CAPN10: variants seen among roughly 807,000 people sequenced by gnomAD.
CAPN10 encodes the protein calpain 10, also known as calpain-10.
Under a neutral mutation model 78.4 loss-of-function variants are expected in CAPN10, and 71 were observed. The ratio of observed to expected loss-of-function variants is 0.91; its 90% confidence interval spans 0.75 to 1.10. The LOEUF is 1.10. Ranked by LOEUF, CAPN10 falls within the 50% of genes least tolerant of loss-of-function variation. The pLI is 0.00. For synonymous variants in CAPN10, 437 were observed against 407.2 expected, an observed-to-expected ratio of 1.07 and a Z score of -0.88; for missense variants, 849 against 924.6, an observed-to-expected ratio of 0.92 and a Z score of 1.06.
chr2:240,597,177 C>G (rs2093142353), intron 9 of CAPN10, among the ~76,000 whole-genome samples: 1 of 152,230 alleles, frequency 6.6e-6, no homozygotes, highest in Non-Finnish European at 1.5e-5. Flanking sequence ...CAGGGCTGAT[C>G]CAGGCAGGGC....
chr2:240,593,818 AGAG>A (rs1383537797), intron 4 of CAPN10, 85 bp from the exon 5 acceptor site: 16 of 1,460,976 alleles, frequency 1.1e-5, no homozygotes, highest in African/African-American at 2.8e-5. Flanking sequence ...GAGCATCTCC[AGAG>A]GAGGAGGCAG....
chr2:240,595,226 G>T lies in CAPN10; in HGVS notation c.1200G>T (p.Val400=), dbSNP rs771884529. Residue 400 remains valine (V), a synonymous_variant, in exon 7 of 12, where the codon GTG becomes GTT. Coordinates refer to ENST00000391984, the MANE Select transcript of CAPN10 (RefSeq NM_023083.4). The part of the protein sequence containing the change: ...ADWAGRARAL[V]GDSHTSWSPA... ...GGGCAGGCCGGGCCCGGGCACTGGT[G>T]GGTGACAGTCATACTTCGTGGAGCC... The T allele has an allele frequency of 2.5e-6, 4 of 1,613,648 alleles. No homozygotes were observed. In the South Asian group the frequency reaches 3.3e-5, roughly 13 times the overall value.
At chr2:240,595,499 C>T in intron 7 of CAPN10, 195 bp downstream of exon 7, 1 of 629,258 alleles carries the variant, frequency 1.6e-6, no homozygotes, top group Non-Finnish European at 2.8e-6. Flanking sequence ...CCTGAGACTG[C>T]AGGTCTTTCT....
chr2:240,590,895 C>A lies in CAPN10; in HGVS notation c.354C>A (p.Arg118=). 6.2e-7 allele frequency: 1 copy of A among 1,614,226 alleles called. No individual in the cohort carries two copies. ...CCTGTCGCATTTGGCAGTTTGGACGCTGGGTGGAGGTGACCACAGATGACC... is the reference window on the plus strand; with the variant it reads ...CCTGTCGCATTTGGCAGTTTGGACGATGGGTGGAGGTGACCACAGATGACC... ...SFTCRIWQFG[R]WVEVTTDDRL... is the part of the protein sequence containing the mutation. The change falls in exon 3 of 12, where the codon CGC becomes CGA. Residue 118 remains arginine, a synonymous_variant. Transcript: ENST00000391984.
intron 4 of CAPN10, among the ~76,000 whole-genome samples, chr2:240,593,236 GC>G (rs1478333009): frequency 1.3e-5 from 2 of 152,264 alleles, no homozygotes; most frequent in African/African-American, 4.8e-5. Context: ...AAGCCCCCAG[GC>G]AGAGAGAGAT....
Position 240,595,066 on chromosome 2 carries a change from TC to T in CAPN10, c.1041del (p.Lys348ArgfsTer80). The T allele has an allele frequency of 6.2e-7, 1 of 1,613,434 alleles. No individual in the cohort carries two copies. Among genetic ancestry groups the T allele is most frequent in the Non-Finnish European group, 8.5e-7 (1 of 1,180,008 alleles). ...ACGCGGGCGCTGCCTGGGGCCTGGG[TC>T]AAGGGCCAGTCAGCAGGAGGCTGCC... Reference protein sequence around the residue: ...CHTRALPGAWVKGQSAGGCRN... With the variant: ...CHTRALPGAWXKGQSAGGCRN... On this transcript the variant is annotated frameshift_variant, in exon 7 of 12. Coordinates refer to ENST00000391984, the MANE Select transcript of CAPN10 (RefSeq NM_023083.4). LOFTEE classifies it high-confidence loss of function.
intron 2 of CAPN10, 50 bp from the exon 3 acceptor site, chr2:240,590,765 G>A (rs535479621): frequency 3.5e-5 from 55 of 1,568,148 alleles, no homozygotes; most frequent in Admixed American, 1.0e-4. Context: ...GAGTAGCGCC[G>A]GGTGGTGCTT....
At chr2:240,587,925 C>T (rs375986126) in intron 1 of CAPN10, among the ~76,000 whole-genome samples, 7 of 152,190 alleles carry the variant, frequency 4.6e-5, no homozygotes, top group African/African-American at 1.7e-4. Context: ...AGTGGGTTGT[C>T]GGGGCAAGAA....
In CAPN10 at chr2:240,593,962, C is replaced by A. The variant is rs769690789; in HGVS notation, c.745C>A (p.Gln249Lys). The A allele has an allele frequency of 1.2e-6, 2 of 1,611,238 alleles. No homozygotes were observed. The highest frequency in any genetic ancestry group is 1.7e-6 in the Non-Finnish European group (2 of 1,178,170). The stretch of plus-strand genomic sequence containing the variant: ...CATTGTCTCGGACCTGCGGGAGCTC[C>A]AGGGTCAGGCGGGCCAGTGCATCCT... ...AFIVSDLREL[Q>K]GQAGQCILLL... Residue 249 changes from glutamine to lysine, a missense_variant, in exon 5 of 12, where the codon CAG (glutamine) becomes AAG (lysine). Transcript: ENST00000391984.
At chr2:240,589,515 CTT>C in intron 2 of CAPN10, 41 bp downstream of exon 2, 2 of 1,571,192 alleles carry the variant, frequency 1.3e-6, no homozygotes, top group Non-Finnish European at 1.7e-6. Flanking sequence ...GAGCCGGTTT[CTT>C]TTTGCGTTTC....
Position 240,589,661 on chromosome 2 carries a change from G to A in CAPN10, c.273+187G>A, listed in dbSNP as rs56351903. On this transcript the variant is annotated intron_variant, in intron 2 of 11. Transcript: ENST00000391984. Reference sequence around the variant, plus strand: ...CTGCACTCTGTCCCTCTGCTGCAGGGGGGGGTGCCTTGGCCTCGCCAGAAG... The same window carrying A: ...CTGCACTCTGTCCCTCTGCTGCAGGAGGGGGTGCCTTGGCCTCGCCAGAAG... The A allele has an allele frequency of 2.3e-5, 18 of 769,486 alleles. No individual in the cohort carries two copies. The East Asian group carries it at 4.2e-4, about 18-fold the overall frequency. 47.7% of individuals were successfully genotyped at this position (769,486 alleles called of 1,614,324 possible). A position where few individuals can be genotyped will look rare whatever the true frequency, so the allele number is the denominator to read the frequency against.
chr2:240,598,549 A>G lies in CAPN10; in HGVS notation c.1990-102A>G, dbSNP rs989307333. On this transcript the variant is annotated intron_variant, in intron 11 of 11. Transcript: ENST00000391984. ...AGCCCCGGGCGGTGCCTTGAAGGGC[A>G]GGGGGAGCTGAGGCTGCGTCCCATT... The G allele has an allele frequency of 3.4e-6, 5 of 1,462,180 alleles. No individual in the cohort carries two copies. The Admixed American group carries it at 7.8e-5, about 23-fold the overall frequency. The allele number at this position is 1,462,180 out of a possible 1,614,324, so 90.6% of individuals were successfully genotyped here.
chr2:240,588,112 T>C, intron 1 of CAPN10, among the ~76,000 whole-genome samples: 1 of 152,128 alleles, frequency 6.6e-6, no homozygotes, highest in East Asian at 1.9e-4. Context: ...TCAACATGCC[T>C]TCTGGGTTTC....
At chr2:240,598,435 G>T (rs781680120) in intron 11 of CAPN10, 38 bp downstream of exon 11, 6 of 1,610,282 alleles carry the variant, frequency 3.7e-6, no homozygotes, top group Non-Finnish European at 5.1e-6. Flanking sequence ...TCACCTGCCT[G>T]GGGCTGCCTG....
Position 240,598,998 on chromosome 2 carries a change from C to T in CAPN10, c.*318C>T. The T allele has an allele frequency of 2.1e-6, 1 of 481,744 alleles. No homozygotes were observed. The highest frequency in any genetic ancestry group is 3.7e-6 in the Non-Finnish European group (1 of 268,262). 29.8% of individuals were successfully genotyped at this position (481,744 alleles called of 1,614,324 possible). On this transcript the variant is annotated 3_prime_UTR_variant, in exon 12 of 12. Coordinates refer to ENST00000391984, the MANE Select transcript of CAPN10 (RefSeq NM_023083.4). ...ATCCTCTGCTGACTCCATATGGAGG[C>T]CTCACACCCAGAGGGTAGGGCAGCA...
intron 1 of CAPN10, 124 bp downstream of exon 1, chr2:240,587,176 C>G (rs1325824567): frequency 6.6e-6 from 3 of 454,518 alleles, no homozygotes; most frequent in South Asian, 1.5e-4. Context: ...TTGTTCTCCT[C>G]AGAAGTGGGC....
At position 240,598,690 on chromosome 2, in the gene CAPN10, C is replaced by T. The variant is rs1309394646; in HGVS notation, c.*10C>T. ...AGTGATGAAAACCTAACAGGGTGGC[C>T]CCCTGTGCCAGCTCAGGTGACTGGA... On this transcript the variant is annotated 3_prime_UTR_variant, in exon 12 of 12. Coordinates refer to ENST00000391984, the MANE Select transcript of CAPN10 (RefSeq NM_023083.4). 2 of 1,571,654 alleles carry T rather than the reference C, an allele frequency of 1.3e-6. No homozygotes were observed. The highest frequency in any genetic ancestry group is 1.9e-5 in the Admixed American group (1 of 52,444).
intron 6 of CAPN10, 44 bp downstream of exon 6, chr2:240,594,753 G>T (rs113964727): frequency 3.4e-5 from 54 of 1,578,246 alleles, no homozygotes; most frequent in Admixed American, 1.9e-4. Flanking sequence ...TCTGCCTGCC[G>T]AAGTGAGGAG....
At chr2:240,598,302 C>T in intron 10 of CAPN10, 50 bp from the exon 11 acceptor site, 2 of 1,604,090 alleles carry the variant, frequency 1.2e-6, no homozygotes, top group South Asian at 2.2e-5. Flanking sequence ...CACACAGCCA[C>T]TTGTGTGACA....
Sources: allele counts gnomAD v4.1 joint callset (sites outside exome capture counted in the v4.1 genomes callset), GRCh38; gene constraint gnomAD v4.1.1; transcripts MANE v1.5; gene names NCBI Gene and HGNC (gene_info 2026-07-23, HGNC 2026-07-21).